DAB1: variants seen among roughly 807,000 people sequenced by gnomAD.
The protein encoded by DAB1 is DAB adaptor protein 1, also known as disabled homolog 1.
A neutral mutation model predicts 64.6 loss-of-function variants in DAB1; 15 were observed. That is an observed-to-expected ratio of 0.23 (90% CI 0.16 to 0.36). The LOEUF is 0.36. Ranked by LOEUF, DAB1 falls within the 10% of genes least tolerant of loss-of-function variation. The probability of loss-of-function intolerance (pLI) is 1.00; values close to 1 mark genes in which losing one functional copy is unlikely to be tolerated. For synonymous variants in DAB1, 235 were observed against 251.9 expected (o/e 0.93, Z 0.64); for missense variants, 596 against 706.7 (o/e 0.84, Z 1.78).
intron 1 of DAB1, among the ~76,000 whole-genome samples, chr1:58,533,178 T>C (rs565340254): frequency 7.7e-4 from 117 of 152,366 alleles, no homozygotes; most frequent in African/African-American, 2.6e-3. Flanking sequence ...TATATCAAGA[T>C]GAACAGACAT....
At chr1:57,312,839 C>A (rs990299230) in intron 1 of DAB1, among the ~76,000 whole-genome samples, 2 of 152,076 alleles carry the variant, frequency 1.3e-5, no homozygotes, top group Admixed American at 6.5e-5. Context: ...TGCTTTCCAC[C>A]TGTTTCTCCA....
intron 1 of DAB1, among the ~76,000 whole-genome samples, chr1:57,337,590 C>T (rs1677183931): frequency 6.6e-6 from 1 of 152,180 alleles, no homozygotes. Context: ...TTATAATGTA[C>T]CCTGTAATTT....
At chr1:58,160,271 G>A (rs1006630583) in intron 4 of DAB1, among the ~76,000 whole-genome samples, 4 of 152,252 alleles carry the variant, frequency 2.6e-5, no homozygotes, top group Admixed American at 6.5e-5. Flanking sequence ...GGAGGGGAAC[G>A]GTCTCAGTTC....
At chr1:57,275,257 A>G (rs1030076188) in intron 2 of DAB1, among the ~76,000 whole-genome samples, 1 of 152,228 alleles carries the variant, frequency 6.6e-6, no homozygotes, top group African/African-American at 2.4e-5. Context: ...TGCAATTTAA[A>G]AACACTGTCT....
chr1:57,628,522 C>A (rs1276463915), intron 7 of DAB1, among the ~76,000 whole-genome samples: 1 of 152,098 alleles, frequency 6.6e-6, no homozygotes, highest in African/African-American at 2.4e-5. Flanking sequence ...AGGTACTAGA[C>A]CCTGAAAATA....
intron 4 of DAB1, among the ~76,000 whole-genome samples, chr1:57,115,732 G>A (rs1656050646): frequency 6.6e-6 from 1 of 152,134 alleles, no homozygotes; most frequent in South Asian, 2.1e-4. Flanking sequence ...CATGAGCTGG[G>A]GTCTTCTCTG....
chr1:57,221,365 G>A (rs1666856844), intron 2 of DAB1, among the ~76,000 whole-genome samples: 1 of 151,512 alleles, frequency 6.6e-6, no homozygotes, highest in Admixed American at 6.6e-5. Context: ...CTTGCACGTT[G>A]TGCACATGTA....
chr1:57,237,682 G>T (rs1309281863), intron 2 of DAB1, among the ~76,000 whole-genome samples: 2 of 152,140 alleles, frequency 1.3e-5, no homozygotes, highest in Non-Finnish European at 2.9e-5. Context: ...CAATAGCCTT[G>T]TAAGTTTCAA....
intron 4 of DAB1, among the ~76,000 whole-genome samples, chr1:58,247,954 A>T (rs1660627992): frequency 2.0e-5 from 3 of 151,526 alleles, no homozygotes; most frequent in African/African-American, 7.3e-5. Flanking sequence ...CTCTCTCCCT[A>T]TATTCTCACC....
intron 2 of DAB1, among the ~76,000 whole-genome samples, chr1:57,236,481 G>A (rs1410903117): frequency 6.6e-6 from 1 of 152,168 alleles, no homozygotes; most frequent in African/African-American, 2.4e-5. Flanking sequence ...ACGTGAAAAG[G>A]AGGGAGGGGG....
chr1:57,387,821 CAAAAAA>C (rs55950458), intron 1 of DAB1, among the ~76,000 whole-genome samples: 4,252 of 104,286 alleles, frequency 0.041, 221 homozygotes, highest in African/African-American at 0.14. Flanking sequence ...GACTCAGCCT[CAAAAAA>C]AAAAAAAAAA....
chr1:58,464,493 G>A (rs1645275306), intron 3 of DAB1, among the ~76,000 whole-genome samples: 1 of 152,162 alleles, frequency 6.6e-6, no homozygotes, highest in Non-Finnish European at 1.5e-5. Flanking sequence ...TTATAAAGCA[G>A]CATAAATAAG....
At position 57,798,228 on chromosome 1, in the gene DAB1, T is replaced by TGTAA. The variant is rs1452579059; in HGVS notation, n.551+85767_551+85770dup. ...TGAAAAAAGAGTGGAAGGCCAATGA[T>TGTAA]GTAAGGTTGGTTATGCCAGAGACAC... On this transcript the variant is annotated intron_variant and non_coding_transcript_variant, in intron 6 of 20. Coordinates refer to the DAB1 transcript ENST00000485760. 3.3e-5 allele frequency among the ~76,000 whole-genome samples: 5 copies of TGTAA among 152,290 alleles called. No individual in the cohort carries two copies. In the East Asian group the frequency reaches 9.7e-4, roughly 29 times the overall value.
chr1:57,949,479 CTAT>C, intron 5 of DAB1, among the ~76,000 whole-genome samples: 1 of 150,136 alleles, frequency 6.7e-6, no homozygotes, highest in Non-Finnish European at 1.5e-5. Context: ...ATCTATCTAT[CTAT>C]CTATCTATCT....
At chr1:57,926,078 C>T (rs1409328176) in intron 5 of DAB1, among the ~76,000 whole-genome samples, 1 of 152,096 alleles carries the variant, frequency 6.6e-6, no homozygotes, top group African/African-American at 2.4e-5. Flanking sequence ...GGATGGTTAC[C>T]CAAGAGTCAC....
At chr1:57,635,029 T>C (rs139019196) in intron 7 of DAB1, among the ~76,000 whole-genome samples, 75 of 152,214 alleles carry the variant, frequency 4.9e-4, no homozygotes, top group Non-Finnish European at 9.0e-4. Context: ...ATCTCTGAGA[T>C]GGGAGCATGT....
intron 3 of DAB1, among the ~76,000 whole-genome samples, chr1:58,437,524 G>A (rs116770785): frequency 0.01 from 1,559 of 152,094 alleles, 26 homozygotes; most frequent in African/African-American, 0.036. Context: ...CTCTGTACCC[G>A]GTTTTGTTCT....
chr1:57,393,480 C>T (rs1303158799), intron 1 of DAB1, among the ~76,000 whole-genome samples: 1 of 151,854 alleles, frequency 6.6e-6, no homozygotes, highest in African/African-American at 2.4e-5. Context: ...CTGCTTGAGC[C>T]CCGGAGTTCG....
At chr1:58,362,285 G>T (rs535389632) in intron 3 of DAB1, among the ~76,000 whole-genome samples, 1 of 152,130 alleles carries the variant, frequency 6.6e-6, no homozygotes, top group African/African-American at 2.4e-5. Context: ...CTTTTCTCTG[G>T]GATTTAAAAA....
Sources: allele counts gnomAD v4.1 joint callset (sites outside exome capture counted in the v4.1 genomes callset), GRCh38; gene constraint gnomAD v4.1.1; transcripts MANE v1.5; gene names NCBI Gene and HGNC (gene_info 2026-07-23, HGNC 2026-07-21).